PCCB: variants seen among roughly 807,000 people sequenced by gnomAD.
PCCB encodes the protein propionyl-CoA carboxylase beta chain, mitochondrial.
PCCB carries 43 observed loss-of-function variants against 60.7 expected under a neutral mutation model. The ratio of observed to expected loss-of-function variants is 0.71; its 90% CI spans 0.55 to 0.91. The LOEUF (loss-of-function observed/expected upper bound fraction) is 0.91. Among genes scored for constraint, PCCB ranks in the 40% least tolerant of loss-of-function variants. PCCB has a pLI of 0.00. For missense variants in PCCB, 766 were observed against 702.8 expected (o/e 1.09, Z -1.02); for synonymous variants, 276 against 255.9 (o/e 1.08, Z -0.75).
At chr3:136,288,347 A>AT (rs913298189) in intron 6 of PCCB, among the ~76,000 whole-genome samples, 13 of 151,118 alleles carry the variant, frequency 8.6e-5, no homozygotes, top group Non-Finnish European at 1.2e-4. Flanking sequence ...GTTTTTTATT[A>AT]TTTTTTTTTA....
chr3:136,260,418 CT>C, intron 3 of PCCB, 60 bp from the exon 4 acceptor site: 4 of 1,378,984 alleles, frequency 2.9e-6, no homozygotes, highest in Non-Finnish European at 4.1e-6. Flanking sequence ...CTTCCTCCCA[CT>C]GGGTTTTCAT....
At chr3:136,292,454 A>G (rs575875599) in intron 6 of PCCB, among the ~76,000 whole-genome samples, 1 of 152,354 alleles carries the variant, frequency 6.6e-6, no homozygotes, top group Admixed American at 6.5e-5. Flanking sequence ...GGCAAAGAAC[A>G]TGAATAGTGA....
chr3:136,322,154 T>G (rs1378090323), intron 10 of PCCB, among the ~76,000 whole-genome samples: 1 of 152,214 alleles, frequency 6.6e-6, no homozygotes, highest in East Asian at 1.9e-4. Flanking sequence ...ACCTAGTTTA[T>G]TGAGAGTTTT....
chr3:136,314,682 A>G (rs1934810738), intron 9 of PCCB, among the ~76,000 whole-genome samples: 1 of 150,878 alleles, frequency 6.6e-6, no homozygotes, highest in South Asian at 2.1e-4. Flanking sequence ...AAACAAAAAA[A>G]CAAAACAAAA....
At chr3:136,288,085 C>G (rs1933503946) in intron 6 of PCCB, among the ~76,000 whole-genome samples, 1 of 152,216 alleles carries the variant, frequency 6.6e-6, no homozygotes, top group African/African-American at 2.4e-5. Context: ...ATTGTGTTGT[C>G]AATTTGCATT....
intron 10 of PCCB, among the ~76,000 whole-genome samples, chr3:136,324,524 A>C (rs1469510964): frequency 1.3e-5 from 2 of 151,850 alleles, no homozygotes; most frequent in African/African-American, 4.8e-5. Context: ...CATCCTAGGC[A>C]TACATGTGTC....
Position 136,330,020 on chromosome 3 carries a change from A to G in PCCB, c.1614A>G (p.Pro538=), listed in dbSNP as rs767287287. The G allele has an allele frequency of 2.9e-5, 46 of 1,613,968 alleles. No individual in the cohort carries two copies. Among genetic ancestry groups the G allele is most frequent in the Non-Finnish European group, 3.6e-5 (43 of 1,179,972 alleles). The change falls in exon 15 of 15, where the codon CCA becomes CCG. Residue 538 remains proline (P), a synonymous_variant. Transcript: ENST00000251654. ...CTTGGAGAAAACATGCAAATATTCC[A>G]TTGTAAACAAATCAAAGGAAAAGAA... is the stretch of plus-strand genomic sequence containing the variant. ...QRPWRKHANI[P]L
chr3:136,293,668 G>A (rs1933802580), intron 6 of PCCB, 88 bp from the exon 7 acceptor site: 1 of 845,524 alleles, frequency 1.2e-6, no homozygotes, highest in Admixed American at 1.7e-5. Flanking sequence ...TATCTTCTCT[G>A]CATTTGTCAT....
At chr3:136,318,627 T>G (rs1040610832) in intron 10 of PCCB, among the ~76,000 whole-genome samples, 2 of 152,244 alleles carry the variant, frequency 1.3e-5, no homozygotes, top group Non-Finnish European at 2.9e-5. Context: ...ATTTTAGATA[T>G]TTCATATAAA....
intron 6 of PCCB, among the ~76,000 whole-genome samples, chr3:136,290,671 G>GTTTTT (rs61191314): frequency 3.3e-5 from 2 of 60,046 alleles, no homozygotes; most frequent in African/African-American, 7.5e-5. Flanking sequence ...TCTCTGTGTA[G>GTTTTT]TTTTTTTTTT....
At chr3:136,266,852 T>G (rs1941996718) in intron 5 of PCCB, among the ~76,000 whole-genome samples, 2 of 152,146 alleles carry the variant, frequency 1.3e-5, no homozygotes, top group Admixed American at 1.3e-4. Flanking sequence ...CTGTGGCTTG[T>G]CTTTTCTTTC....
At chr3:136,250,628 CG>C in intron 1 of PCCB, 70 bp downstream of exon 1, 6 of 1,476,114 alleles carry the variant, frequency 4.1e-6, no homozygotes, top group Non-Finnish European at 5.5e-6. Context: ...GCCCGGCTTG[CG>C]GCGTCCGAGG....
At chr3:136,285,516 G>A (rs923163370) in intron 6 of PCCB, among the ~76,000 whole-genome samples, 1 of 151,334 alleles carries the variant, frequency 6.6e-6, no homozygotes, top group African/African-American at 2.4e-5. Context: ...TCTTTAACAC[G>A]TGTTAATTTA....
chr3:136,326,594 C>CT (rs918381605), intron 10 of PCCB, among the ~76,000 whole-genome samples: 2 of 152,182 alleles, frequency 1.3e-5, no homozygotes, highest in African/African-American at 2.4e-5. Context: ...TAGTCTAGTT[C>CT]TGGGCCTCTT....
chr3:136,262,801 G>A (rs1309178478), intron 5 of PCCB, among the ~76,000 whole-genome samples: 1 of 152,142 alleles, frequency 6.6e-6, no homozygotes, highest in Admixed American at 6.5e-5. Context: ...TTCTGTGGAT[G>A]GCTTGGCCTA....
intron 5 of PCCB, among the ~76,000 whole-genome samples, chr3:136,268,105 T>TATAC (rs1427464605): frequency 4.9e-4 from 63 of 128,186 alleles, no homozygotes; most frequent in Admixed American, 1.1e-3. Flanking sequence ...TATATATATA[T>TATAC]ATATATATAT....
At chr3:136,256,092 GA>G (rs1941665510) in intron 2 of PCCB, 117 bp downstream of exon 2, 1 of 1,438,994 alleles carries the variant, frequency 6.9e-7, no homozygotes. Flanking sequence ...AGGCACTGCA[GA>G]CATCAAGCCC....
intron 5 of PCCB, among the ~76,000 whole-genome samples, chr3:136,274,543 A>G (rs1216171146): frequency 2.6e-5 from 4 of 152,152 alleles, no homozygotes; most frequent in Non-Finnish European, 5.9e-5. Flanking sequence ...TTTGTCTCAT[A>G]GCTCTTAGGA....
intron 2 of PCCB, 110 bp downstream of exon 2, chr3:136,256,085 C>T (rs1941665239): frequency 1.0e-5 from 15 of 1,447,540 alleles, no homozygotes; most frequent in Non-Finnish European, 1.3e-5. Context: ...TCTGCAGAGG[C>T]ACTGCAGACA....
Sources: gnomAD v4.1 joint callset for allele counts (sites outside exome capture counted in the v4.1 genomes callset) on GRCh38, gnomAD v4.1.1 for gene constraint, MANE v1.5 for transcripts, NCBI Gene and HGNC (gene_info 2026-07-23, HGNC 2026-07-21) for gene names.